The following TMEM131L variants were observed in gnomAD, a reference collection of about 807,000 sequenced individuals.
TMEM131L encodes transmembrane protein 131-like.
TMEM131L carries 54 observed loss-of-function variants against 192.2 expected under a neutral mutation model. That is an observed-to-expected ratio of 0.28 (90% CI 0.23 to 0.35). The LOEUF is 0.35. Ranked by LOEUF, TMEM131L falls within the 10% of genes least tolerant of loss-of-function variation. The pLI, the probability that TMEM131L is intolerant of heterozygous loss-of-function variation, is 1.00. For synonymous variants in TMEM131L, 701 were observed against 704.9 expected (o/e 0.99, Z 0.09); for missense variants, 1,888 against 1,972.9 (o/e 0.96, Z 0.82).
intron 3 of TMEM131L, among the ~76,000 whole-genome samples, chr4:153,511,407 T>A (rs1734347209): frequency 6.6e-6 from 1 of 152,118 alleles, no homozygotes; most frequent in Non-Finnish European, 1.5e-5. Context: ...ATGTTCTCAC[T>A]TGTAAGTGGG....
At position 153,514,770 on chromosome 4, in the gene TMEM131L, C is replaced by T. The variant is rs140166489; in HGVS notation, c.240-35303C>T. Among the ~76,000 whole-genome samples the T allele has an allele frequency of 9.9e-5, 15 of 152,040 alleles. No individual in the cohort carries two copies. In the East Asian group the frequency reaches 2.5e-3, roughly 25 times the overall value. ...AACAGCTTTATTGAGATAGAATTTA[C>T]ACTTCATAGAATCCCACATTCACAT... On this transcript the variant is annotated intron_variant, in intron 3 of 34. Coordinates refer to ENST00000409959, the MANE Select transcript of TMEM131L (RefSeq NM_001131007.2).
intron 23 of TMEM131L, 112 bp downstream of exon 23, chr4:153,602,839 A>AT: frequency 1.1e-6 from 1 of 913,976 alleles, no homozygotes; most frequent in Non-Finnish European, 1.7e-6. Flanking sequence ...ATTGAGTGGA[A>AT]TTGTTACTGC....
chr4:153,558,309 C>T lies in TMEM131L; in HGVS notation c.601C>T (p.Leu201=), dbSNP rs1430311320. ...RISTEGSAKQ[L]PNAYFLLPKV... Reference sequence around the variant, plus strand: ...CTCTACAGAAGGGTCTGCAAAGCAGCTACCAAATGCTTATTTTCTGCTTCC... The same window carrying T: ...CTCTACAGAAGGGTCTGCAAAGCAGTTACCAAATGCTTATTTTCTGCTTCC... Residue 201 remains leucine (L), a synonymous_variant, in exon 7 of 35, where the codon CTA becomes TTA. Coordinates refer to ENST00000409959, the MANE Select transcript of TMEM131L (RefSeq NM_001131007.2). 1.9e-6 allele frequency: 3 copies of T among 1,609,202 alleles called. No individual in the cohort carries two copies. In the Admixed American group the frequency reaches 5.0e-5, roughly 27 times the overall value.
intron 3 of TMEM131L, among the ~76,000 whole-genome samples, chr4:153,511,013 A>G (rs1455852316): frequency 1.3e-5 from 2 of 152,238 alleles, no homozygotes; most frequent in Non-Finnish European, 2.9e-5. Flanking sequence ...TTTCCAAGGA[A>G]TGCTTATACA....
At chr4:153,470,874 A>G (rs1731106112) in intron 2 of TMEM131L, among the ~76,000 whole-genome samples, 1 of 152,234 alleles carries the variant, frequency 6.6e-6, no homozygotes, top group Non-Finnish European at 1.5e-5. Context: ...TAATGAATGC[A>G]ACAGCCCCGC....
chr4:153,467,361 C>T, intron 2 of TMEM131L, 80 bp downstream of exon 2: 1 of 1,266,328 alleles, frequency 7.9e-7, no homozygotes, highest in Non-Finnish European at 1.1e-6. Context: ...TCCCCACCCC[C>T]TGTCCAAGCG....
rs560303939 is a variant in TMEM131L at position 153,541,089 on chromosome 4, G to A, written c.240-8984G>A. Among the ~76,000 whole-genome samples, 13 of 152,258 alleles carry A rather than the reference G, an allele frequency of 8.5e-5. No homozygotes were observed. The South Asian group carries it at 1.5e-3, about 17-fold the overall frequency. On this transcript the variant is annotated intron_variant, in intron 3 of 34. Coordinates refer to ENST00000409959, the MANE Select transcript of TMEM131L (RefSeq NM_001131007.2). ...ATATAGTAGAGTGACCTACCCTAGCGTCTAGGAAAGATGTCAAATCTTTAA... is the reference window on the plus strand; with the variant it reads ...ATATAGTAGAGTGACCTACCCTAGCATCTAGGAAAGATGTCAAATCTTTAA...
intron 30 of TMEM131L, among the ~76,000 whole-genome samples, chr4:153,626,641 G>A (rs1341563541): frequency 1.3e-5 from 2 of 152,184 alleles, no homozygotes; most frequent in East Asian, 3.8e-4. Flanking sequence ...GCGCATGCCT[G>A]TATTTCCAGC....
At chr4:153,536,477 T>A (rs1736336866) in intron 3 of TMEM131L, among the ~76,000 whole-genome samples, 1 of 152,240 alleles carries the variant, frequency 6.6e-6, no homozygotes, top group African/African-American at 2.4e-5. Context: ...CAGTGCAGCC[T>A]CTAGCTGTCA....
chr4:153,577,785 A>C (rs541528158), intron 7 of TMEM131L, among the ~76,000 whole-genome samples: 1 of 152,316 alleles, frequency 6.6e-6, no homozygotes, highest in African/African-American at 2.4e-5. Flanking sequence ...TTCTGGCTTA[A>C]ACAACTGGAT....
chr4:153,473,923 G>A, intron 3 of TMEM131L, 35 bp downstream of exon 3: 1 of 1,486,932 alleles, frequency 6.7e-7, no homozygotes, highest in South Asian at 1.2e-5. Context: ...CCTGCATGCT[G>A]AATGTCCCTG....
chr4:153,526,739 A>T (rs1429896963), intron 3 of TMEM131L, among the ~76,000 whole-genome samples: 2 of 151,380 alleles, frequency 1.3e-5, no homozygotes, highest in African/African-American at 2.4e-5. Context: ...TCTGTCTCAA[A>T]AAAAAAAAAA....
At chr4:153,542,225 A>C (rs1012384168) in intron 3 of TMEM131L, among the ~76,000 whole-genome samples, 29 of 152,308 alleles carry the variant, frequency 1.9e-4, no homozygotes, top group African/African-American at 6.7e-4. Flanking sequence ...AGAGATAGGC[A>C]GAGGAAGAGG....
chr4:153,486,654 C>T (rs1732353944), intron 3 of TMEM131L, among the ~76,000 whole-genome samples: 1 of 152,196 alleles, frequency 6.6e-6, no homozygotes, highest in Non-Finnish European at 1.5e-5. Flanking sequence ...CCCAGCCTCC[C>T]ACCTGAACAT....
chr4:153,631,501 C>T (rs1446973030), intron 31 of TMEM131L, among the ~76,000 whole-genome samples: 1 of 152,148 alleles, frequency 6.6e-6, no homozygotes, highest in Non-Finnish European at 1.5e-5. Flanking sequence ...GGTTGTGCTA[C>T]AGGAGAAGAA....
intron 3 of TMEM131L, among the ~76,000 whole-genome samples, chr4:153,475,401 T>A (rs549266998): frequency 2.0e-5 from 3 of 152,322 alleles, no homozygotes; most frequent in African/African-American, 7.2e-5. Context: ...CTTACAAGCT[T>A]TTTCAGTACT....
At chr4:153,526,442 C>G (rs1735489740) in intron 3 of TMEM131L, among the ~76,000 whole-genome samples, 1 of 152,058 alleles carries the variant, frequency 6.6e-6, no homozygotes, top group South Asian at 2.1e-4. Context: ...CCTCAGGAAG[C>G]TTGCTGTCTT....
chr4:153,586,500 T>A, intron 14 of TMEM131L, 121 bp downstream of exon 14: 2 of 637,410 alleles, frequency 3.1e-6, no homozygotes, highest in Non-Finnish European at 5.1e-6. Context: ...GCTAAGAAAC[T>A]GAAGGATATT....
intron 3 of TMEM131L, among the ~76,000 whole-genome samples, chr4:153,476,413 T>C (rs1731540280): frequency 1.3e-5 from 2 of 152,058 alleles, no homozygotes; most frequent in South Asian, 4.2e-4. Context: ...ATTCCTTGGG[T>C]AGGGCCAGGC....
Sources: gnomAD v4.1 joint callset for allele counts (sites outside exome capture counted in the v4.1 genomes callset) on GRCh38, gnomAD v4.1.1 for gene constraint, MANE v1.5 for transcripts, NCBI Gene and HGNC (gene_info 2026-07-23, HGNC 2026-07-21) for gene names.